The following TMLHE variants were observed in gnomAD, a reference collection of about 807,000 sequenced individuals.
TMLHE encodes trimethyllysine hydroxylase, epsilon, also known as trimethyllysine dioxygenase, mitochondrial.
In TMLHE, 18 loss-of-function variants were observed where a neutral mutation model predicts 25.7. The ratio of observed to expected loss-of-function variants is 0.70; its 90% CI spans 0.48 to 1.04. The LOEUF is 1.04. Ranked by LOEUF, TMLHE falls within the 50% of genes least tolerant of loss-of-function variation. The pLI is 0.00. For missense variants in TMLHE, 236 were observed against 259.0 expected (o/e 0.91, Z 0.61); for synonymous variants, 105 against 97.0 (o/e 1.08, Z -0.49).
intron 2 of TMLHE, among the ~76,000 whole-genome samples, chrX:155,539,333 C>G (rs1284273745): frequency 9.0e-6 from 1 of 111,478 alleles, no homozygotes; most frequent in Admixed American, 9.6e-5. Context: ...AGTCTGTAGA[C>G]CACAGACAGA....
chrX:155,557,355 T>C (rs1335458593), intron 1 of TMLHE, among the ~76,000 whole-genome samples: 1 of 112,427 alleles, frequency 8.9e-6, no homozygotes, highest in Non-Finnish European at 1.9e-5. Flanking sequence ...TCTTCTGTCA[T>C]GGCTTCAGCC....
intron 2 of TMLHE, among the ~76,000 whole-genome samples, chrX:155,535,707 T>G (rs1557337541): frequency 8.9e-6 from 1 of 112,000 alleles, no homozygotes; most frequent in Non-Finnish European, 1.9e-5. Context: ...TACTACCACC[T>G]TAATAGCATT....
At chrX:155,525,403 C>T (rs2067213541) in intron 2 of TMLHE, among the ~76,000 whole-genome samples, 1 of 112,225 alleles carries the variant, frequency 8.9e-6, no homozygotes, top group South Asian at 3.6e-4. Context: ...TACTGTACAG[C>T]CTGCAGAACT....
chrX:155,580,432 A>T (rs1470126541), intron 1 of TMLHE, among the ~76,000 whole-genome samples: 1 of 111,960 alleles, frequency 8.9e-6, no homozygotes, highest in African/African-American at 3.2e-5. Context: ...GATTTCTCAA[A>T]TAAGTAAAAA....
chrX:155,581,425 C>G (rs1470836310), intron 1 of TMLHE, among the ~76,000 whole-genome samples: 1 of 111,946 alleles, frequency 8.9e-6, no homozygotes, highest in African/African-American at 3.2e-5. Flanking sequence ...TAGAAAACCC[C>G]ATTGTCTCAG....
chrX:155,530,858 G>A (rs782570366), intron 2 of TMLHE, among the ~76,000 whole-genome samples: 2 of 112,342 alleles, frequency 1.8e-5, no homozygotes, highest in Admixed American at 1.9e-4. Flanking sequence ...CAAGAAAACC[G>A]GCAGCTTTGC....
At chrX:155,592,040 T>G (rs1557346034) in intron 1 of TMLHE, among the ~76,000 whole-genome samples, 1 of 112,056 alleles carries the variant, frequency 8.9e-6, no homozygotes, top group East Asian at 2.8e-4. Context: ...TCTTGTCATT[T>G]GCAACAACAT....
At chrX:155,547,441 C>A (rs973566197) in intron 1 of TMLHE, among the ~76,000 whole-genome samples, 7 of 112,079 alleles carry the variant, frequency 6.2e-5, no homozygotes, top group Non-Finnish European at 1.1e-4. Context: ...CCACGACCAG[C>A]TATAATAGGT....
chrX:155,610,353 C>T (rs1367607028), intron 1 of TMLHE, among the ~76,000 whole-genome samples: 1 of 111,832 alleles, frequency 8.9e-6, no homozygotes, highest in Non-Finnish European at 1.9e-5. Flanking sequence ...AGACTGACTG[C>T]AGATGGGCAA....
At chrX:155,577,207 T>C (rs782496039) in intron 1 of TMLHE, among the ~76,000 whole-genome samples, 1 of 111,843 alleles carries the variant, frequency 8.9e-6, no homozygotes, top group Non-Finnish European at 1.9e-5. Context: ...CATGAACAGA[T>C]ACTTTTCAAA....
At chrX:155,557,297 T>C (rs2067463926) in intron 1 of TMLHE, among the ~76,000 whole-genome samples, 1 of 112,051 alleles carries the variant, frequency 8.9e-6, no homozygotes, top group Admixed American at 9.4e-5. Flanking sequence ...TACAAAAGTA[T>C]TAATTTGGGG....
intron 2 of TMLHE, among the ~76,000 whole-genome samples, chrX:155,540,077 C>T (rs1295393742): frequency 4.6e-5 from 5 of 108,857 alleles, no homozygotes; most frequent in East Asian, 2.9e-4. Flanking sequence ...GAACAACATA[C>T]GCATGATGCA....
chrX:155,535,167 C>T (rs1428632411), intron 2 of TMLHE, among the ~76,000 whole-genome samples: 1 of 111,974 alleles, frequency 8.9e-6, no homozygotes, highest in African/African-American at 3.3e-5. Flanking sequence ...GTTAAAGCAG[C>T]CTGAGCCAAC....
intron 2 of TMLHE, among the ~76,000 whole-genome samples, chrX:155,543,902 G>T (rs952903902): frequency 8.0e-5 from 9 of 111,911 alleles, no homozygotes; most frequent in African/African-American, 2.9e-4. Flanking sequence ...GATGTTTGTT[G>T]TCTCTGTGGG....
At chrX:155,523,798 C>T (rs2067202798) in intron 3 of TMLHE, among the ~76,000 whole-genome samples, 2 of 112,174 alleles carry the variant, frequency 1.8e-5, no homozygotes, top group Admixed American at 9.4e-5. Flanking sequence ...TGATTTGTTT[C>T]TCCATGTATT....
chrX:155,589,139 C>T (rs1331581747), intron 1 of TMLHE, among the ~76,000 whole-genome samples: 1 of 111,825 alleles, frequency 8.9e-6, no homozygotes, highest in Non-Finnish European at 1.9e-5. Context: ...TAATGGAATA[C>T]TATTCACCAT....
chrX:155,578,193 A>G (rs1366455508), intron 1 of TMLHE, among the ~76,000 whole-genome samples: 3 of 111,550 alleles, frequency 2.7e-5, no homozygotes, highest in South Asian at 3.8e-4. Flanking sequence ...ACTGCTGACA[A>G]TGACAATGGC....
At chrX:155,532,668 CGT>C (rs33944459) in intron 2 of TMLHE, among the ~76,000 whole-genome samples, 6,707 of 85,877 alleles carry the variant, frequency 0.078, 454 homozygotes, top group African/African-American at 0.21. Flanking sequence ...ATGCAAAATT[CGT>C]GTGTGTGTGT....
chrX:155,596,710 A>G (rs1442671739), intron 1 of TMLHE, among the ~76,000 whole-genome samples: 1 of 111,504 alleles, frequency 9.0e-6, no homozygotes, highest in African/African-American at 3.3e-5. Context: ...TTGTTGTCCA[A>G]CTTCTCAGAA....
Sources: gnomAD v4.1 joint callset for allele counts (sites outside exome capture counted in the v4.1 genomes callset) on GRCh38, gnomAD v4.1.1 for gene constraint, MANE v1.5 for transcripts, NCBI Gene and HGNC (gene_info 2026-07-23, HGNC 2026-07-21) for gene names.